The following UBA1 variants were observed in gnomAD, a reference collection of about 807,000 sequenced individuals.
UBA1 encodes the protein ubiquitin like modifier activating enzyme 1, also known as ubiquitin-like modifier-activating enzyme 1.
Under a neutral mutation model 84.7 loss-of-function variants are expected in UBA1, and 4 were observed. The observed-to-expected ratio is 0.05, with a 90% CI of 0.02 to 0.11. UBA1 has a LOEUF of 0.11. Ranked by LOEUF, UBA1 falls within the 10% of genes least tolerant of loss-of-function variation. UBA1 has a pLI of 1.00. For missense variants in UBA1, 513 were observed against 902.8 expected, an observed-to-expected ratio of 0.57 and a Z score of 5.53; for synonymous variants, 364 against 362.6, an observed-to-expected ratio of 1.00 and a Z score of -0.04.
Position 47,214,256 on chromosome X carries a change from G to A in UBA1, c.2839-71G>A, listed in dbSNP as rs1184957416. ...TAAACACGTCTGCATGGGGGTAGGG[G>A]GGATGGAGACAGATGGGGGCTGGAC... On this transcript the variant is annotated intron_variant, in intron 23 of 25. Coordinates refer to ENST00000335972, the MANE Select transcript of UBA1 (RefSeq NM_003334.4). 4.2e-6 allele frequency: 4 copies of A among 947,527 alleles called. No homozygotes were observed. The African/African-American group carries it at 7.8e-5, about 18-fold the overall frequency. The allele number at this position is 947,527 out of a possible 1,213,427, so 78.1% of individuals were successfully genotyped here. A position where few individuals can be genotyped will look rare whatever the true frequency, so the allele number is the denominator to read the frequency against.
chrX:47,203,300 C>T (rs781847852), intron 13 of UBA1, 86 bp downstream of exon 13: 21 of 1,027,718 alleles, frequency 2.0e-5, no homozygotes, highest in South Asian at 5.7e-5. Flanking sequence ...TCAATGCAAC[C>T]GGTGGCGCAT....
chrX:47,200,920 G>A lies in UBA1; in HGVS notation c.507G>A (p.Leu169=). ...TGGTGGTGCTCACCAACACCCCCCT[G>A]GAGGACCAGCTGCGAGTGGGTGAGT... ...FQVVVLTNTP[L]EDQLRVGEFC... The change falls in exon 6 of 26, where the codon CTG becomes CTA. Residue 169 remains leucine, a synonymous_variant. Coordinates refer to ENST00000335972, the MANE Select transcript of UBA1 (RefSeq NM_003334.4). 2.5e-6 allele frequency: 3 copies of A among 1,202,474 alleles called. No homozygotes were observed. Among genetic ancestry groups the A allele is most frequent in the Non-Finnish European group, 3.4e-6 (3 of 890,851 alleles).
rs202118521 is a variant in UBA1 at position 47,203,242 on chromosome X, C to T, written c.1419+28C>T. 4 of 1,199,105 alleles carry T rather than the reference C, an allele frequency of 3.3e-6. No individual in the cohort carries two copies. The East Asian group carries it at 8.9e-5, about 27-fold the overall frequency. The stretch of plus-strand genomic sequence containing the variant: ...AAGTGGTCCCCTTGGATGTCTGCTC[C>T]CCTCATCTTGGCCTCTGGCCATCAC... On this transcript the variant is annotated intron_variant, in intron 13 of 25. Transcript: ENST00000335972.
chrX:47,215,003 G>C lies in UBA1; in HGVS notation c.*74G>C, dbSNP rs1231586638. The C allele has an allele frequency of 3.0e-5, 36 of 1,189,723 alleles. No homozygotes were observed. Among genetic ancestry groups the C allele is most frequent in the Non-Finnish European group, 3.6e-5 (32 of 886,824 alleles). On this transcript the variant is annotated 3_prime_UTR_variant, in exon 26 of 26. Transcript: ENST00000335972. ...CCTTCCAGCCCAGGGTTCCCATTTG[G>C]CTTCTGGCAGTGGCCCAACTAGCCA...
intron 14 of UBA1, 82 bp from the exon 15 acceptor site, chrX:47,205,866 G>A (rs1936651056): frequency 9.3e-7 from 1 of 1,076,758 alleles, no homozygotes; most frequent in Admixed American, 2.6e-5. Flanking sequence ...AAAAAATAAA[G>A]ATGTTTGTTG....
chrX:47,203,059 G>C lies in UBA1; in HGVS notation c.1338+12G>C. ...ACAAGTGCCTCCAGGTATGTGGGTG[G>C]GACCTGTGGGGAGGGCATCATTGGG... On this transcript the variant is annotated intron_variant, in intron 12 of 25. Coordinates refer to ENST00000335972, the MANE Select transcript of UBA1 (RefSeq NM_003334.4). The C allele has an allele frequency of 8.3e-7, 1 of 1,204,884 alleles. No homozygotes were observed. The highest frequency in any genetic ancestry group is 1.1e-6 in the Non-Finnish European group (1 of 889,089).
At position 47,203,704 on chromosome X, in the gene UBA1, G is replaced by A; in HGVS notation, c.1575+8G>A. 1 of 1,207,484 alleles carries A rather than the reference G, an allele frequency of 8.3e-7. No homozygotes were observed. The highest frequency in any genetic ancestry group is 1.1e-6 in the Non-Finnish European group (1 of 893,255). ...CGGCCCTGGGATGTCACGGTGAGTA[G>A]GGTAGGAGGTTGGGGCTTTGTCGTC... is the stretch of plus-strand genomic sequence containing the variant. On this transcript the variant is annotated splice_region_variant and intron_variant, in intron 14 of 25. Transcript: ENST00000335972.
chrX:47,203,751 T>C (rs1936517541), intron 14 of UBA1, 55 bp downstream of exon 14: 1 of 1,069,989 alleles, frequency 9.3e-7, no homozygotes, highest in East Asian at 3.2e-5. Flanking sequence ...CTTTTTCTTT[T>C]TTTTTTTTTT....
At chrX:47,196,644 G>C (rs781924326) in intron 1 of UBA1, among the ~76,000 whole-genome samples, 13 of 111,471 alleles carry the variant, frequency 1.2e-4, no homozygotes, top group Non-Finnish European at 2.3e-4. Context: ...TGCTTGCCTT[G>C]AGACAGGGCT....
chrX:47,211,222 G>A lies in UBA1; in HGVS notation c.2461G>A (p.Val821Ile). The A allele has an allele frequency of 8.3e-7, 1 of 1,208,470 alleles. No individual in the cohort carries two copies. The highest frequency in any genetic ancestry group is 1.1e-6 in the Non-Finnish European group (1 of 895,511). Residue 821 changes from valine (V) to isoleucine (I), a missense_variant, in exon 20 of 26, where the codon GTT becomes ATT. Val to Ile is a conservative substitution (Grantham distance 29). Around this residue, in one of 6 missense-constraint regions of UBA1, gnomAD observed 151 missense variants for 260.1 expected, o/e 0.58. Transcript: ENST00000335972. ...GGAGCTGCAGAGCGCCAATGCCTCT[G>A]TTGGTGAGGGTGTTTGGCCAGTTGG... ...DQELQSANASVDDSRLEELKA... is the reference protein window; with the variant it reads ...DQELQSANASIDDSRLEELKA...
intron 11 of UBA1, 23 bp from the exon 12 acceptor site, chrX:47,202,920 C>A: frequency 8.3e-7 from 1 of 1,206,048 alleles, no homozygotes; most frequent in Non-Finnish European, 1.1e-6. Context: ...CTGACCACCC[C>A]CTCTCTCCCT....
rs1556793213 is a variant in UBA1, at chrX:47,211,025, C to T, written c.2275-11C>T. 3 of 1,209,680 alleles carry T rather than the reference C, an allele frequency of 2.5e-6. No individual in the cohort carries two copies. Among genetic ancestry groups the T allele is most frequent in the Admixed American group, 4.4e-5 (2 of 45,818 alleles). On this transcript the variant is annotated splice_polypyrimidine_tract_variant and intron_variant, in intron 19 of 25. Coordinates refer to ENST00000335972, the MANE Select transcript of UBA1 (RefSeq NM_003334.4). ...GATGTGCTCACCCTTCCCTGCCCTG[C>T]CTTCTCCTAGCCCCTGCATCTGGAC...
intron 1 of UBA1, among the ~76,000 whole-genome samples, chrX:47,195,026 C>T (rs1936151502): frequency 9.0e-6 from 1 of 111,479 alleles, no homozygotes. Context: ...CCTCCCCAAC[C>T]CCACCCTAGA....
Position 47,212,917 on chromosome X carries a change from C to T in UBA1, c.2646+54C>T, listed in dbSNP as rs181998398. The T allele has an allele frequency of 3.7e-5, 45 of 1,204,557 alleles. No homozygotes were observed. In the East Asian group the frequency reaches 1.2e-3, roughly 33 times the overall value. ...CCCTCCTCCAGGTTTGAGTTACCCA[C>T]ACTTAGCCCCTCTGTAGACCCTGAG... On this transcript the variant is annotated intron_variant, in intron 22 of 25. Coordinates refer to ENST00000335972, the MANE Select transcript of UBA1 (RefSeq NM_003334.4).
chrX:47,206,427 A>G lies in UBA1; in HGVS notation c.1921A>G (p.Ile641Val), dbSNP rs782290695. ...TACCCTGAAGAACTTCCCTAATGCC[A>G]TCGAGCACACCCTGCAGGTGATAAG... The part of the protein sequence containing the change: ...ICTLKNFPNA[I>V]EHTLQWARDE... Residue 641 changes from isoleucine to valine, a missense_variant, in exon 16 of 26, where the codon ATC becomes GTC. Transcript: ENST00000335972. 4.1e-6 allele frequency: 5 copies of G among 1,212,058 alleles called. No homozygotes were observed. The highest frequency in any genetic ancestry group is 2.3e-4 in the Middle Eastern group (1 of 4,355).
chrX:47,214,982 C>A lies in UBA1; in HGVS notation c.*53C>A. 8.3e-7 allele frequency: 1 copy of A among 1,202,823 alleles called. No homozygotes were observed. The highest frequency in any genetic ancestry group is 3.0e-5 in the East Asian group (1 of 33,833). Reference sequence around the variant, plus strand: ...TTGTCCACCCCTCTCCACACCCCTTCCAGCCCAGGGTTCCCATTTGGCTTC... The same window carrying A: ...TTGTCCACCCCTCTCCACACCCCTTACAGCCCAGGGTTCCCATTTGGCTTC... On this transcript the variant is annotated 3_prime_UTR_variant, in exon 26 of 26. Coordinates refer to ENST00000335972, the MANE Select transcript of UBA1 (RefSeq NM_003334.4).
chrX:47,213,011 A>G lies in UBA1; in HGVS notation c.2668A>G (p.Ile890Val), dbSNP rs782556927. ...RHKSKLIAGK[I>V]IPAIATTTAA... ...TCAGAGCAAGCTGATTGCAGGGAAG[A>G]TCATCCCAGCCATTGCCACGACCAC... The change falls in exon 23 of 26, where the codon ATC (isoleucine) becomes GTC (valine). Residue 890 changes from isoleucine to valine, a missense_variant. Ile to Val is a conservative substitution (Grantham distance 29, BLOSUM62 3). Around this residue, in one of 6 missense-constraint regions of UBA1, gnomAD observed 151 missense variants for 260.1 expected, o/e 0.58. Coordinates refer to ENST00000335972, the MANE Select transcript of UBA1 (RefSeq NM_003334.4). The G allele has an allele frequency of 3.3e-6, 4 of 1,210,195 alleles. No individual in the cohort carries two copies. In the African/African-American group the frequency reaches 7.0e-5, roughly 21 times the overall value.
Position 47,193,891 on chromosome X carries a change from GGGA to G in UBA1, c.-129_-127del, listed in dbSNP as rs1468072911. On this transcript the variant is annotated 5_prime_UTR_variant, in exon 1 of 26. Coordinates refer to ENST00000335972, the MANE Select transcript of UBA1 (RefSeq NM_003334.4). ...GGACAACCACAACCACAACGGCCGG[GGGA>G]GGAGAAGGCGGCAGCGGCGATTCTA... The G allele has an allele frequency of 8.9e-6, 1 of 112,374 alleles. No individual in the cohort carries two copies. The highest frequency in any genetic ancestry group is 2.8e-4 in the East Asian group (1 of 3,600). The allele number at this position is 112,374 out of a possible 1,213,427, so 9.3% of individuals were successfully genotyped here. A position where few individuals can be genotyped will look rare whatever the true frequency, so the allele number is the denominator to read the frequency against.
At chrX:47,201,673 G>A in intron 8 of UBA1, 63 bp downstream of exon 8, 4 of 1,146,652 alleles carry the variant, frequency 3.5e-6, no homozygotes, top group Non-Finnish European at 4.8e-6. Flanking sequence ...GTTCTGGCCG[G>A]GGAGTTGAAG....
Sources: allele counts gnomAD v4.1 joint callset (sites outside exome capture counted in the v4.1 genomes callset), GRCh38; gene constraint gnomAD v4.1.1; regional missense constraint gnomAD v4.1.1; transcripts MANE v1.5; gene names NCBI Gene and HGNC (gene_info 2026-07-23, HGNC 2026-07-21).